The following NAV3 variants were observed in gnomAD, a reference collection of about 807,000 sequenced individuals.
NAV3 encodes neuron navigator 3, also known as pore membrane and/or filament interacting like protein 1.
NAV3 carries 87 observed loss-of-function variants against 244.7 expected under a neutral mutation model. The observed-to-expected ratio is 0.36, with a 90% CI of 0.30 to 0.42. The LOEUF (loss-of-function observed/expected upper bound fraction) is 0.42. Among genes scored for constraint, NAV3 ranks in the 20% least tolerant of loss-of-function variants. The pLI is 1.00. For synonymous variants in NAV3, 1,126 were observed against 1,042.2 expected (o/e 1.08, Z -1.55); for missense variants, 2,663 against 2,893.3 (o/e 0.92, Z 1.83).
At chr12:77,642,939 T>C (rs1439393555) in intron 2 of NAV3, among the ~76,000 whole-genome samples, 1 of 152,080 alleles carries the variant, frequency 6.6e-6, no homozygotes, top group East Asian at 1.9e-4. Context: ...CCCAACAGGA[T>C]AGGATTTTCA....
intron 18 of NAV3, among the ~76,000 whole-genome samples, chr12:78,133,200 C>T (rs528356933): frequency 2.6e-5 from 4 of 152,142 alleles, no homozygotes; most frequent in East Asian, 1.9e-4. Flanking sequence ...CTTAGAAACA[C>T]GTATGGCTTC....
At chr12:77,657,247 A>G (rs527439576) in intron 2 of NAV3, among the ~76,000 whole-genome samples, 1 of 152,372 alleles carries the variant, frequency 6.6e-6, no homozygotes, top group South Asian at 2.1e-4. Flanking sequence ...AGAATCAACT[A>G]GACGCAATAA....
intron 1 of NAV3, among the ~76,000 whole-genome samples, chr12:77,890,143 T>C (rs1883760417): frequency 6.6e-6 from 1 of 152,198 alleles, no homozygotes; most frequent in South Asian, 2.1e-4. Context: ...TCAAATTGAA[T>C]CAAGTCTCAG....
At chr12:77,613,669 G>C (rs1207384334) in intron 2 of NAV3, among the ~76,000 whole-genome samples, 1 of 152,124 alleles carries the variant, frequency 6.6e-6, no homozygotes, top group Non-Finnish European at 1.5e-5. Context: ...GTGTTTGTGG[G>C]TGAGGCTGGA....
rs369658334 is a variant in NAV3, at chr12:77,941,041, G to C, written c.362-40G>C. On this transcript the variant is annotated intron_variant, in intron 2 of 39. Coordinates refer to ENST00000397909, the MANE Select transcript of NAV3 (RefSeq NM_001024383.2). The stretch of plus-strand genomic sequence containing the variant: ...TTTCACTTCATTGCTTAAGCATGTC[G>C]TTCTTTTTTTCTCTCTTTTATTTTA... The C allele has an allele frequency of 4.6e-6, 6 of 1,307,166 alleles. No homozygotes were observed. The Admixed American group carries it at 8.3e-5, about 18-fold the overall frequency. 81.0% of individuals were successfully genotyped at this position (1,307,166 alleles called of 1,614,324 possible).
At chr12:78,161,999 T>C (rs387060) in intron 23 of NAV3, among the ~76,000 whole-genome samples, 6,922 of 152,232 alleles carry the variant, frequency 0.045, 194 homozygotes, top group Non-Finnish European at 0.071. Flanking sequence ...GTGTGTTTTA[T>C]TCTCATTTTC....
At position 77,999,371 on chromosome 12, in the gene NAV3, TTTAG is replaced by T. The variant is rs1872858671; in HGVS notation, c.880+901_880+904del. ...ATGAAATTAAAAAGTGGCACAAATG[TTTAG>T]TTAGTAGAACATCTGGCTAATTGGG... On this transcript the variant is annotated intron_variant, in intron 7 of 39. Coordinates refer to ENST00000397909, the MANE Select transcript of NAV3 (RefSeq NM_001024383.2). 2.6e-5 allele frequency among the ~76,000 whole-genome samples: 4 copies of T among 152,212 alleles called. No homozygotes were observed. In the South Asian group the frequency reaches 8.3e-4, roughly 31 times the overall value.
intron 1 of NAV3, among the ~76,000 whole-genome samples, chr12:77,919,456 C>T (rs760219330): frequency 4.6e-5 from 7 of 152,030 alleles, no homozygotes; most frequent in Non-Finnish European, 8.8e-5. Flanking sequence ...CACACAGTAA[C>T]AATTGCAACT....
At chr12:77,668,725 G>A (rs529141594) in intron 2 of NAV3, among the ~76,000 whole-genome samples, 5 of 152,162 alleles carry the variant, frequency 3.3e-5, no homozygotes, top group African/African-American at 4.8e-5. Context: ...ACATATTTTA[G>A]AGAATAATGG....
chr12:77,967,610 G>A (rs1182858039), intron 4 of NAV3, among the ~76,000 whole-genome samples: 1 of 152,050 alleles, frequency 6.6e-6, no homozygotes, highest in Non-Finnish European at 1.5e-5. Context: ...CCAACATCAA[G>A]TTTTATTTAA....
In NAV3 at chr12:78,200,133, G is replaced by A. The variant is rs541374080; in HGVS notation, c.6716-340G>A. 4.6e-5 allele frequency among the ~76,000 whole-genome samples: 7 copies of A among 152,132 alleles called. No homozygotes were observed. The South Asian group carries it at 1.5e-3, about 32-fold the overall frequency. On this transcript the variant is annotated intron_variant, in intron 37 of 39. Coordinates refer to ENST00000397909, the MANE Select transcript of NAV3 (RefSeq NM_001024383.2). ...CACTGGGACCAGAACACTCATGCCA[G>A]GTCCCAATTCTGCAAATAATGACGT...
At chr12:77,670,980 T>C (rs958329474) in intron 2 of NAV3, among the ~76,000 whole-genome samples, 1 of 151,966 alleles carries the variant, frequency 6.6e-6, no homozygotes, top group Non-Finnish European at 1.5e-5. Flanking sequence ...TCCAGATAAG[T>C]AAAGAGGAAG....
intron 2 of NAV3, among the ~76,000 whole-genome samples, chr12:77,603,130 G>C (rs1418904357): frequency 6.6e-6 from 1 of 152,024 alleles, no homozygotes; most frequent in Non-Finnish European, 1.5e-5. Flanking sequence ...TGATGTCCAT[G>C]TTGACTTTCA....
At chr12:77,889,551 A>G (rs1179244515) in intron 1 of NAV3, among the ~76,000 whole-genome samples, 1 of 152,218 alleles carries the variant, frequency 6.6e-6, no homozygotes, top group Non-Finnish European at 1.5e-5. Flanking sequence ...AGTTAATTCA[A>G]TAATAACTCA....
In NAV3 at chr12:78,059,136, G is replaced by A. The variant is rs370526342; in HGVS notation, c.2636+21G>A. The A allele has an allele frequency of 4.1e-5, 65 of 1,603,848 alleles. No homozygotes were observed. In the African/African-American group the frequency reaches 8.0e-4, roughly 20 times the overall value. Reference sequence around the variant, plus strand: ...GACAGGTAATGCTATCAGCATATATGATGGTGAGACATGCATGAAGTAATT... The same window carrying A: ...GACAGGTAATGCTATCAGCATATATAATGGTGAGACATGCATGAAGTAATT... On this transcript the variant is annotated intron_variant, in intron 12 of 39. Coordinates refer to ENST00000397909, the MANE Select transcript of NAV3 (RefSeq NM_001024383.2).
At chr12:78,093,382 C>A (rs988631710) in intron 12 of NAV3, among the ~76,000 whole-genome samples, 5 of 152,056 alleles carry the variant, frequency 3.3e-5, no homozygotes, top group African/African-American at 9.7e-5. Context: ...TAGTACAGAG[C>A]CAGAAATATA....
intron 2 of NAV3, among the ~76,000 whole-genome samples, chr12:77,696,481 C>A (rs1875306668): frequency 6.6e-6 from 1 of 152,114 alleles, no homozygotes; most frequent in Non-Finnish European, 1.5e-5. Context: ...AAGCAGATTT[C>A]TCCCTAGATA....
intron 12 of NAV3, chr12:78,088,953 C>A (rs1398222796): frequency 6.6e-6 from 1 of 152,136 alleles, no homozygotes; most frequent in African/African-American, 2.4e-5. Context: ...AGCTTTGGAC[C>A]TTTCACTAGG....
At chr12:78,060,744 A>G (rs1884207339) in intron 12 of NAV3, among the ~76,000 whole-genome samples, 1 of 152,154 alleles carries the variant, frequency 6.6e-6, no homozygotes, top group East Asian at 1.9e-4. Context: ...AAAATAGGAG[A>G]CAGTGATAAG....
Sources: gnomAD v4.1 joint callset for allele counts (sites outside exome capture counted in the v4.1 genomes callset) on GRCh38, gnomAD v4.1.1 for gene constraint, MANE v1.5 for transcripts, NCBI Gene and HGNC (gene_info 2026-07-23, HGNC 2026-07-21) for gene names.